Variants in TLE7 observed in about 807,000 individuals in gnomAD.
TLE7 encodes the protein transducin-like enhancer protein 7.
rs557801407 is a variant in TLE7, at chr16:71,432,723, C to A, written c.335G>T (p.Gly112Val). 5.0e-6 allele frequency: 2 copies of A among 398,590 alleles called. No individual in the cohort carries two copies. The highest frequency in any genetic ancestry group is 2.5e-4 in the South Asian group (2 of 7,862). 24.7% of individuals were successfully genotyped at this position (398,590 alleles called of 1,614,324 possible). Residue 112 changes from glycine (G) to valine (V), a missense_variant and splice_region_variant, in exon 4 of 10, where the codon GGC (glycine) becomes GTC (valine). Physicochemically the swap from Gly to Val is moderately radical, Grantham distance 109. Transcript: ENST00000561754. ...GGGAGAGGAAGAAGAGTAAGGCTGG[C>A]CTGCAGGGAAAGAGCAATGCCCACC... ...SPSFLLGSEVGQPYSSSSPSE... is the reference protein window; with the variant it reads ...SPSFLLGSEVVQPYSSSSPSE...
In TLE7 at chr16:71,432,335, G is replaced by A. The variant is rs1167172597; in HGVS notation, c.394-10C>T. 2.5e-6 allele frequency: 1 copy of A among 400,482 alleles called. No individual in the cohort carries two copies. Among genetic ancestry groups the A allele is most frequent in the Non-Finnish European group, 4.4e-6 (1 of 226,284 alleles). The allele number at this position is 400,482 out of a possible 1,614,324, so 24.8% of individuals were successfully genotyped here. A position where few individuals can be genotyped will look rare whatever the true frequency, so the allele number is the denominator to read the frequency against. On this transcript the variant is annotated splice_polypyrimidine_tract_variant and intron_variant, in intron 4 of 9. Coordinates refer to ENST00000561754, the MANE Select transcript of TLE7 (RefSeq NM_001367365.2). ...CATCTGGAATGGGGGGCTAGGCAAG[G>A]AGAGGGTGGGTAGCAGTGGCCCTGA...
intron 1 of TLE7, among the ~76,000 whole-genome samples, chr16:71,439,471 G>A (rs1370006570): frequency 6.6e-6 from 1 of 152,070 alleles, no homozygotes; most frequent in Non-Finnish European, 1.5e-5. Flanking sequence ...TCCAGAGAGA[G>A]TTGGAAGGCA....
intron 1 of TLE7, among the ~76,000 whole-genome samples, chr16:71,435,160 C>A (rs1313088639): frequency 1.3e-5 from 2 of 152,202 alleles, no homozygotes. Context: ...CGCCTGTAAT[C>A]CCAGCACTTT....
intron 1 of TLE7, among the ~76,000 whole-genome samples, chr16:71,440,456 C>G (rs1461244927): frequency 6.6e-6 from 1 of 151,484 alleles, no homozygotes; most frequent in Non-Finnish European, 1.5e-5. Flanking sequence ...CCAGCCTGGG[C>G]AACAGAGCGA....
At chr16:71,437,432 G>GAGGA (rs1033913590) in intron 1 of TLE7, among the ~76,000 whole-genome samples, 1 of 148,456 alleles carries the variant, frequency 6.7e-6, no homozygotes. Flanking sequence ...AAGAAACAAA[G>GAGGA]AGGAAGGAAG....
intron 8 of TLE7, among the ~76,000 whole-genome samples, 172 bp from the exon 9 acceptor site, chr16:71,430,913 C>A (rs957735886): frequency 1.3e-5 from 2 of 152,176 alleles, no homozygotes; most frequent in African/African-American, 4.8e-5. Flanking sequence ...CTACCACACA[C>A]AAGATCATGG....
chr16:71,438,479 A>G (rs770228986), intron 1 of TLE7, among the ~76,000 whole-genome samples: 1 of 151,296 alleles, frequency 6.6e-6, no homozygotes, highest in Non-Finnish European at 1.5e-5. Flanking sequence ...AAAGAAAAGA[A>G]AAGAAACCAT....
rs117472141 is a variant in TLE7, at chr16:71,440,117, T to A, written c.-97+1852A>T. Among the ~76,000 whole-genome samples the A allele has an allele frequency of 5.0e-3, 769 of 152,352 alleles. 3 individuals carry two copies. The highest frequency in any genetic ancestry group is 0.01 in the South Asian group (50 of 4,832). The stretch of plus-strand genomic sequence containing the variant: ...CCAGACACAAAAGGCCAATACTGCA[T>A]GATTCTATCTACATGAAATATCCAC... On this transcript the variant is annotated intron_variant, in intron 1 of 9. Transcript: ENST00000561754.
At chr16:71,441,580 C>T (rs1375858949) in intron 1 of TLE7, among the ~76,000 whole-genome samples, 1 of 152,248 alleles carries the variant, frequency 6.6e-6, no homozygotes, top group Non-Finnish European at 1.5e-5. Flanking sequence ...TTGGATTTTC[C>T]TCCCGCGCTC....
intron 1 of TLE7, among the ~76,000 whole-genome samples, chr16:71,436,589 G>A (rs367864104): frequency 3.3e-5 from 5 of 152,358 alleles, no homozygotes; most frequent in East Asian, 1.9e-4. Context: ...AAGAGCCAGC[G>A]TCTGTGCAAA....
At chr16:71,441,316 C>G (rs2145048618) in intron 1 of TLE7, among the ~76,000 whole-genome samples, 1 of 152,372 alleles carries the variant, frequency 6.6e-6, no homozygotes, top group Admixed American at 6.5e-5. Context: ...AACTGCTGGC[C>G]CCAAGCAATC....
chr16:71,432,035 T>C, intron 5 of TLE7, 33 bp from the exon 6 acceptor site: 1 of 400,894 alleles, frequency 2.5e-6, no homozygotes, highest in Admixed American at 4.4e-5. Flanking sequence ...TGGTATCCCC[T>C]TGGGGCACCG....
intron 1 of TLE7, among the ~76,000 whole-genome samples, chr16:71,438,746 C>T (rs1211374452): frequency 2.0e-5 from 3 of 151,382 alleles, no homozygotes; most frequent in African/African-American, 4.9e-5. Flanking sequence ...CAAAGAGAGC[C>T]GTGGTTCTTA....
At position 71,433,386 on chromosome 16, in the gene TLE7, A is replaced by C. The variant is rs2042814909; in HGVS notation, c.-62T>G. On this transcript the variant is annotated 5_prime_UTR_variant, in exon 2 of 10. Coordinates refer to ENST00000561754, the MANE Select transcript of TLE7 (RefSeq NM_001367365.2). ...CTAGGACTTGACAAATAGACCCGCC[A>C]AACAGACACCAGGTTCCCAGTGTGT... The C allele has an allele frequency of 2.5e-6, 1 of 398,502 alleles. No homozygotes were observed. The allele number at this position is 398,502 out of a possible 1,614,324, so 24.7% of individuals were successfully genotyped here.
At chr16:71,439,917 A>G (rs1273152405) in intron 1 of TLE7, among the ~76,000 whole-genome samples, 1 of 152,232 alleles carries the variant, frequency 6.6e-6, no homozygotes, top group Admixed American at 6.5e-5. Flanking sequence ...CAGTGTTCAC[A>G]GAAGCATTAT....
chr16:71,437,486 A>AG (rs202093381), intron 1 of TLE7, among the ~76,000 whole-genome samples: 1 of 149,776 alleles, frequency 6.7e-6, no homozygotes, highest in Non-Finnish European at 1.5e-5. Context: ...AGAGAAGAGA[A>AG]AGAAATTTTG....
chr16:71,438,056 A>G (rs1405915231), intron 1 of TLE7, among the ~76,000 whole-genome samples: 1 of 152,148 alleles, frequency 6.6e-6, no homozygotes, highest in African/African-American at 2.4e-5. Context: ...TTTATTAGAA[A>G]CTACTCTGTT....
At chr16:71,433,627 C>T (rs1163779388) in intron 1 of TLE7, among the ~76,000 whole-genome samples, 1 of 152,190 alleles carries the variant, frequency 6.6e-6, no homozygotes, top group Non-Finnish European at 1.5e-5. Context: ...TTGTATTTTT[C>T]CTTTTATGCA....
In TLE7 at chr16:71,430,667, C is replaced by G. The variant is rs1005484295; in HGVS notation, c.1221+1G>C. 5.5e-5 allele frequency: 22 copies of G among 398,486 alleles called. No individual in the cohort carries two copies. The highest frequency in any genetic ancestry group is 4.1e-4 in the African/African-American group (20 of 48,618). The allele number at this position is 398,486 out of a possible 1,614,324, so 24.7% of individuals were successfully genotyped here. A position where few individuals can be genotyped will look rare whatever the true frequency, so the allele number is the denominator to read the frequency against. ...TTCGGGCATCCCTCTGTGTCCAGTA[C>G]CTGAAACAACTTTTGCAGAGAAGGT... On this transcript the variant is annotated splice_donor_variant, in intron 9 of 9. Coordinates refer to ENST00000561754, the MANE Select transcript of TLE7 (RefSeq NM_001367365.2). LOFTEE classifies it high-confidence loss of function.
Sources: allele counts gnomAD v4.1 joint callset (sites outside exome capture counted in the v4.1 genomes callset), GRCh38; gene constraint gnomAD v4.1.1; transcripts MANE v1.5; gene names NCBI Gene and HGNC (gene_info 2026-07-23, HGNC 2026-07-21).